Variants in SUGCT observed in about 807,000 individuals in gnomAD.
SUGCT encodes the protein succinyl-CoA:glutarate-CoA transferase, also known as succinyl-CoA:glutarate CoA-transferase.
In SUGCT, 41 loss-of-function variants were observed where a neutral mutation model predicts 55.0. That is an observed-to-expected ratio of 0.74 (90% CI 0.58 to 0.97). The LOEUF (loss-of-function observed/expected upper bound fraction) is 0.97, where lower values mean the gene tolerates loss of function less well. SUGCT is among the 50% of genes least tolerant of loss of function. The pLI, the probability that SUGCT is intolerant of heterozygous loss-of-function variation, is 0.00. For missense variants in SUGCT, 568 were observed against 547.8 expected (o/e 1.04, Z -0.37); for synonymous variants, 187 against 200.4 (o/e 0.93, Z 0.56).
chr7:40,139,525 T>C (rs1787876713), intron 1 of SUGCT, among the ~76,000 whole-genome samples: 1 of 152,198 alleles, frequency 6.6e-6, no homozygotes, highest in African/African-American at 2.4e-5. Context: ...ATATGCTTGT[T>C]TGTCTTTTGA....
chr7:40,147,184 A>G (rs867053730), intron 1 of SUGCT, among the ~76,000 whole-genome samples: 1 of 152,004 alleles, frequency 6.6e-6, no homozygotes, highest in African/African-American at 2.4e-5. Context: ...AGGGACCAGC[A>G]GGAGTGGACC....
intron 7 of SUGCT, among the ~76,000 whole-genome samples, chr7:40,272,163 T>C (rs1364693734): frequency 5.3e-5 from 4 of 75,494 alleles, no homozygotes; most frequent in African/African-American, 1.1e-4. Flanking sequence ...TATATATATA[T>C]ATATATATAT....
chr7:40,464,503 T>C (rs1243801020), intron 11 of SUGCT, among the ~76,000 whole-genome samples: 3 of 152,072 alleles, frequency 2.0e-5, no homozygotes, highest in Non-Finnish European at 1.5e-5. Flanking sequence ...GAAATATTGA[T>C]GTGAATGTAC....
intron 11 of SUGCT, among the ~76,000 whole-genome samples, chr7:40,482,430 A>G (rs1324728899): frequency 6.6e-6 from 1 of 152,228 alleles, no homozygotes; most frequent in Non-Finnish European, 1.5e-5. Context: ...TGCATAAACC[A>G]AAATTATTTC....
chr7:40,856,321 AATAT>A (rs367621517), intron 13 of SUGCT, among the ~76,000 whole-genome samples: 2 of 152,128 alleles, frequency 1.3e-5, no homozygotes, highest in Middle Eastern at 3.2e-3. Context: ...GTGTGAAGGC[AATAT>A]ATATACTCAA....
At chr7:40,661,156 C>T (rs1183064936) in intron 12 of SUGCT, among the ~76,000 whole-genome samples, 2 of 152,120 alleles carry the variant, frequency 1.3e-5, no homozygotes. Flanking sequence ...CATTTCACAC[C>T]TTCTCCAGTC....
intron 1 of SUGCT, among the ~76,000 whole-genome samples, chr7:40,169,368 T>C (rs1784566158): frequency 6.6e-6 from 1 of 152,058 alleles, no homozygotes; most frequent in Non-Finnish European, 1.5e-5. Context: ...AGAGTAAGAC[T>C]GAGAAGAATG....
intron 9 of SUGCT, among the ~76,000 whole-genome samples, chr7:40,350,883 C>T (rs147050201): frequency 4.8e-4 from 73 of 151,448 alleles, no homozygotes; most frequent in Admixed American, 5.3e-4. Flanking sequence ...TGAGAACATG[C>T]GGTGTTTGTT....
chr7:40,236,394 G>A (rs946294923), intron 6 of SUGCT, among the ~76,000 whole-genome samples: 8 of 119,322 alleles, frequency 6.7e-5, no homozygotes, highest in African/African-American at 2.7e-4. Context: ...CAGGACTGAG[G>A]GGAGTAGAAG....
At chr7:40,524,480 A>T (rs374863399) in intron 12 of SUGCT, among the ~76,000 whole-genome samples, 8 of 152,126 alleles carry the variant, frequency 5.3e-5, no homozygotes, top group African/African-American at 1.7e-4. Flanking sequence ...ATTTTTAAAA[A>T]CATTTGACCA....
intron 9 of SUGCT, among the ~76,000 whole-genome samples, chr7:40,322,007 A>G (rs1410655538): frequency 6.6e-6 from 1 of 152,160 alleles, no homozygotes; most frequent in Non-Finnish European, 1.5e-5. Context: ...AGAAATCTCT[A>G]TACTGTTCTC....
chr7:40,927,173 A>G, the SUGCT span, among the ~76,000 whole-genome samples: 1 of 152,232 alleles, frequency 6.6e-6, no homozygotes, highest in Non-Finnish European at 1.5e-5. Flanking sequence ...AGGAAAATGT[A>G]GCTACTTAGC....
chr7:40,292,100 G>A (rs184364030), intron 8 of SUGCT, among the ~76,000 whole-genome samples: 1 of 152,318 alleles, frequency 6.6e-6, no homozygotes, highest in African/African-American at 2.4e-5. Flanking sequence ...CACCTTAGCA[G>A]GTGGAGGTGG....
chr7:40,434,583 G>C (rs780493883), intron 9 of SUGCT, among the ~76,000 whole-genome samples: 51 of 152,214 alleles, frequency 3.4e-4, no homozygotes, highest in Non-Finnish European at 6.8e-4. Flanking sequence ...TAGTCATATA[G>C]TCTTTAAGTA....
intron 12 of SUGCT, among the ~76,000 whole-genome samples, chr7:40,605,613 G>C (rs1352971775): frequency 6.6e-6 from 1 of 152,136 alleles, no homozygotes; most frequent in Non-Finnish European, 1.5e-5. Context: ...GGAGAAAAGA[G>C]AATACCTACA....
chr7:40,180,441 T>A (rs919946628), intron 1 of SUGCT, among the ~76,000 whole-genome samples: 4 of 151,810 alleles, frequency 2.6e-5, no homozygotes, highest in African/African-American at 4.8e-5. Flanking sequence ...TCTTACAAAA[T>A]AATAAATTGG....
intron 9 of SUGCT, among the ~76,000 whole-genome samples, chr7:40,425,133 A>G (rs1787523521): frequency 6.6e-6 from 1 of 152,108 alleles, no homozygotes; most frequent in African/African-American, 2.4e-5. Context: ...TGTTCTATTT[A>G]TACATGATGA....
the SUGCT span, among the ~76,000 whole-genome samples, chr7:41,000,799 G>T: frequency 6.6e-6 from 1 of 152,154 alleles, no homozygotes; most frequent in Non-Finnish European, 1.5e-5. Context: ...GCCCTTGCTA[G>T]TGGGAAAATG....
At chr7:40,929,626 G>A in the SUGCT span, among the ~76,000 whole-genome samples, 1 of 152,184 alleles carries the variant, frequency 6.6e-6, no homozygotes, top group Non-Finnish European at 1.5e-5. Context: ...ACTGGTGTGA[G>A]ATGGTATCTC....
Sources: allele counts gnomAD v4.1 joint callset (sites outside exome capture counted in the v4.1 genomes callset), GRCh38; gene constraint gnomAD v4.1.1; transcripts MANE v1.5; gene names NCBI Gene and HGNC (gene_info 2026-07-23, HGNC 2026-07-21).